Variants in ZPBP observed in about 807,000 individuals in gnomAD.
ZPBP encodes the protein zona pellucida-binding protein 1.
A neutral mutation model predicts 44.8 loss-of-function variants in ZPBP; 26 were observed. The observed-to-expected ratio is 0.58, with a 90% CI of 0.43 to 0.81. The LOEUF is 0.81. ZPBP is among the 30% of genes least tolerant of loss of function. The pLI is 0.00. For synonymous variants in ZPBP, 174 were observed against 153.2 expected (o/e 1.14, Z -1.00); for missense variants, 409 against 434.0 (o/e 0.94, Z 0.51).
At chr7:49,935,443 A>G (rs1434509373), downstream of ZPBP, among the ~76,000 whole-genome samples, 4 of 151,970 alleles carry the variant, frequency 2.6e-5, no homozygotes, top group African/African-American at 4.8e-5. Context: ...CTTGTTGCCA[A>G]CCTGGAGTGC....
chr7:49,958,069 T>C (rs1187715628), intron 7 of ZPBP, among the ~76,000 whole-genome samples: 1 of 152,240 alleles, frequency 6.6e-6, no homozygotes, highest in East Asian at 1.9e-4. Flanking sequence ...TTTATCCCTT[T>C]CTTCTTGCCT....
At chr7:50,082,106 CATGT>C (rs901303102) in intron 2 of ZPBP, among the ~76,000 whole-genome samples, 1 of 151,798 alleles carries the variant, frequency 6.6e-6, no homozygotes, top group Admixed American at 6.6e-5. Flanking sequence ...TATGTGTATG[CATGT>C]ATGTGTGTGT....
chr7:50,012,942 G>T (rs1047167570), intron 6 of ZPBP, among the ~76,000 whole-genome samples: 1 of 151,742 alleles, frequency 6.6e-6, no homozygotes, highest in Non-Finnish European at 1.5e-5. Context: ...TTAGCAAGGT[G>T]GCATGATACA....
chr7:49,874,570 GTA>G (rs1031243094), intron 2 of ZPBP, among the ~76,000 whole-genome samples: 19 of 144,112 alleles, frequency 1.3e-4, no homozygotes, highest in African/African-American at 3.8e-4. Context: ...GTGTGTGTGT[GTA>G]TGTATATATA....
At chr7:50,082,679 TA>T (rs1266496483) in intron 2 of ZPBP, among the ~76,000 whole-genome samples, 14 of 151,862 alleles carry the variant, frequency 9.2e-5, no homozygotes, top group African/African-American at 3.4e-4. Context: ...AGTTTTACCA[TA>T]AAGCATGATG....
At chr7:49,854,271 A>T (rs914500636) in intron 2 of ZPBP, among the ~76,000 whole-genome samples, 7 of 152,086 alleles carry the variant, frequency 4.6e-5, no homozygotes, top group Non-Finnish European at 1.0e-4. Flanking sequence ...CTAGTTTGAG[A>T]TCCTTGAGGA....
chr7:49,872,352 G>A (rs918077422), intron 2 of ZPBP, among the ~76,000 whole-genome samples: 5 of 152,066 alleles, frequency 3.3e-5, no homozygotes, highest in South Asian at 2.1e-4. Context: ...TAGATGTGCC[G>A]GGAACAATGA....
At chr7:49,904,113 T>C (rs1478904237) in intron 1 of ZPBP, among the ~76,000 whole-genome samples, 3 of 152,230 alleles carry the variant, frequency 2.0e-5, no homozygotes, top group Non-Finnish European at 4.4e-5. Context: ...GCCACCATCT[T>C]GAACATGTCT....
intron 3 of ZPBP, 53 bp from the exon 4 acceptor site, chr7:50,058,194 C>A: frequency 6.3e-7 from 1 of 1,576,468 alleles, no homozygotes; most frequent in Non-Finnish European, 8.7e-7. Context: ...AGACAAGTAC[C>A]AAAACATTTT....
chr7:49,912,237 G>T, intron 1 of ZPBP: 1 of 1,596,910 alleles, frequency 6.3e-7, no homozygotes, highest in South Asian at 1.1e-5. Flanking sequence ...TTACTGATGT[G>T]AACATTCTAG....
intron 2 of ZPBP, among the ~76,000 whole-genome samples, chr7:49,859,415 G>A (rs796669273): frequency 4.6e-5 from 7 of 152,018 alleles, no homozygotes; most frequent in African/African-American, 1.7e-4. Context: ...TTTAAATTTT[G>A]CTTATTGCAT....
intron 6 of ZPBP, among the ~76,000 whole-genome samples, chr7:50,003,928 A>G (rs958408262): frequency 1.3e-5 from 2 of 152,180 alleles, no homozygotes; most frequent in African/African-American, 4.8e-5. Flanking sequence ...ATTTCCCTAA[A>G]TATGCTTAAT....
At chr7:49,990,621 G>GC (rs1463831653) in intron 6 of ZPBP, among the ~76,000 whole-genome samples, 2 of 143,846 alleles carry the variant, frequency 1.4e-5, no homozygotes, top group South Asian at 4.2e-4. Context: ...AGTATATATG[G>GC]GGGGGGACTA....
chr7:49,985,465 T>A (rs1462143471), intron 6 of ZPBP, among the ~76,000 whole-genome samples: 1 of 152,106 alleles, frequency 6.6e-6, no homozygotes, highest in Non-Finnish European at 1.5e-5. Context: ...TCTGAAAATA[T>A]CTGAAATCTA....
chr7:49,955,119 A>G (rs1311025324), intron 7 of ZPBP, among the ~76,000 whole-genome samples: 1 of 152,194 alleles, frequency 6.6e-6, no homozygotes, highest in Non-Finnish European at 1.5e-5. Flanking sequence ...AATATTTTGG[A>G]CTTATCAAAA....
At chr7:49,987,714 T>G (rs1482978953) in intron 6 of ZPBP, among the ~76,000 whole-genome samples, 1 of 144,260 alleles carries the variant, frequency 6.9e-6, no homozygotes, top group Non-Finnish European at 1.5e-5. Flanking sequence ...CCTTTCTGTG[T>G]AGTTATATAT....
intron 4 of ZPBP, among the ~76,000 whole-genome samples, chr7:50,038,452 C>T (rs1799918837): frequency 6.6e-6 from 1 of 152,188 alleles, no homozygotes; most frequent in Non-Finnish European, 1.5e-5. Context: ...ACTAATAGTT[C>T]AAGAAACCCA....
rs547795278 is a variant in ZPBP, at chr7:50,009,635, T to C, written c.783+8605A>G. ...GTCATGTTAGAACCATCCCTAAACA[T>C]CTCACGAGTGAGACTTACTCCCTAT... On this transcript the variant is annotated intron_variant, in intron 6 of 7. Transcript: ENST00000046087. Among the ~76,000 whole-genome samples, 4 of 151,998 alleles carry C rather than the reference T, an allele frequency of 2.6e-5. No homozygotes were observed. The East Asian group carries it at 7.8e-4, about 29-fold the overall frequency.
intron 1 of ZPBP, among the ~76,000 whole-genome samples, chr7:49,903,751 C>T (rs1045233763): frequency 6.6e-6 from 1 of 152,094 alleles, no homozygotes; most frequent in Non-Finnish European, 1.5e-5. Context: ...GGTTTGTGGT[C>T]TTGCTCCAGG....
Sources: allele counts gnomAD v4.1 joint callset (sites outside exome capture counted in the v4.1 genomes callset), GRCh38; gene constraint gnomAD v4.1.1; transcripts MANE v1.5; gene names NCBI Gene and HGNC (gene_info 2026-07-23, HGNC 2026-07-21).